DYNC2H1: variants seen among roughly 807,000 people sequenced by gnomAD.
The protein encoded by DYNC2H1 is cytoplasmic dynein 2 heavy chain 1.
A neutral mutation model predicts 570.0 loss-of-function variants in DYNC2H1; 410 were observed. That is an observed-to-expected ratio of 0.72 (90% CI 0.66 to 0.78). DYNC2H1 has a LOEUF of 0.78. Ranked by LOEUF, DYNC2H1 falls within the 30% of genes least tolerant of loss-of-function variation. DYNC2H1 has a pLI of 0.00. For missense variants in DYNC2H1, 4,865 were observed against 5,046.4 expected (o/e 0.96, Z 1.09); for synonymous variants, 1,688 against 1,677.6 (o/e 1.01, Z -0.15).
chr11:103,456,754 C>G (rs1400748596), intron 87 of DYNC2H1, among the ~76,000 whole-genome samples: 1 of 152,164 alleles, frequency 6.6e-6, no homozygotes, highest in Non-Finnish European at 1.5e-5. Context: ...TTTTGATTGC[C>G]AATGTGATAC....
rs574803017 is a variant in DYNC2H1, at chr11:103,323,506, A to G, written c.11935-380A>G. Among the ~76,000 whole-genome samples, 49 of 151,928 alleles carry G rather than the reference A, an allele frequency of 3.2e-4. 1 individual carries two copies. Among genetic ancestry groups the G allele is most frequent in the Admixed American group, 2.2e-3 (34 of 15,268 alleles). The stretch of plus-strand genomic sequence containing the variant: ...TATATATATAACTGCTTAATTTAAC[A>G]TGAGCAGAACTGCACTCTGCAGATT... On this transcript the variant is annotated intron_variant, in intron 81 of 88. Coordinates refer to ENST00000375735, the MANE Select transcript of DYNC2H1 (RefSeq NM_001377.3).
chr11:103,181,856 T>G lies in DYNC2H1; in HGVS notation c.6447T>G (p.Phe2149Leu). 1 of 1,604,830 alleles carries G rather than the reference T, an allele frequency of 6.2e-7. No homozygotes were observed. The highest frequency in any genetic ancestry group is 8.5e-7 in the Non-Finnish European group (1 of 1,174,776). Residue 2149 changes from phenylalanine (F) to leucine (L), a missense_variant, in exon 40 of 89, where the codon TTT (phenylalanine) becomes TTG (leucine). By Grantham distance (22) the Phe-to-Leu change is conservative. Transcript: ENST00000375735. This position sits in a 1 kb window ranked among gnomAD's most constrained non-coding sequence, Gnocchi z 5.0. Reference protein sequence around the residue: ...NNLENWIGDYFEKALQWVLKQ... With the variant: ...NNLENWIGDYLEKALQWVLKQ... ...TTGAAAATTGGATTGGAGATTATTT[T>G]GAAAAGGCTTTACAATGGGTTCTAA...
intron 70 of DYNC2H1, among the ~76,000 whole-genome samples, chr11:103,263,637 G>C (rs1175627719): frequency 1.3e-5 from 2 of 152,062 alleles, no homozygotes; most frequent in East Asian, 3.8e-4. Flanking sequence ...AATTAAGGCA[G>C]AAATAAATAA....
At position 103,277,730 on chromosome 11, in the gene DYNC2H1, C is replaced by T. The variant is rs1280793214; in HGVS notation, c.10696-2618C>T. Among the ~76,000 whole-genome samples the T allele has an allele frequency of 6.6e-6, 1 of 152,154 alleles. No homozygotes were observed. The highest frequency in any genetic ancestry group is 1.5e-5 in the Non-Finnish European group (1 of 68,026). ...CGACTCTTACCAGGTAACCTAGTGA[C>T]ATCATGATTAGTTCTGTTGTTTAGG... is the stretch of plus-strand genomic sequence containing the variant. On this transcript the variant is annotated intron_variant, in intron 70 of 88. Coordinates refer to ENST00000375735, the MANE Select transcript of DYNC2H1 (RefSeq NM_001377.3). The surrounding 1 kb of genome is among the most constrained non-coding windows in gnomAD (Gnocchi z 4.3).
intron 75 of DYNC2H1, among the ~76,000 whole-genome samples, chr11:103,288,406 C>T (rs772316247): frequency 6.6e-6 from 1 of 152,038 alleles, no homozygotes; most frequent in Non-Finnish European, 1.5e-5. Flanking sequence ...TTCTTGGGCA[C>T]AGGCAGAACT....
chr11:103,298,916 G>A (rs1259132961), intron 75 of DYNC2H1, among the ~76,000 whole-genome samples: 1 of 151,964 alleles, frequency 6.6e-6, no homozygotes, highest in Non-Finnish European at 1.5e-5. Context: ...AAGCTTTTAG[G>A]GATGCCTGTT....
intron 5 of DYNC2H1, 49 bp downstream of exon 5, chr11:103,116,763 T>G: frequency 6.5e-7 from 1 of 1,527,962 alleles, no homozygotes; most frequent in Non-Finnish European, 8.8e-7. Flanking sequence ...CTGTCTTATT[T>G]TGTTATCTTT....
intron 65 of DYNC2H1, among the ~76,000 whole-genome samples, chr11:103,250,158 G>A (rs1194454400): frequency 6.6e-6 from 1 of 151,494 alleles, no homozygotes; most frequent in Non-Finnish European, 1.5e-5. Context: ...TATTTTTTTA[G>A]GTGATTGTTT....
At chr11:103,423,295 C>A (rs547605303) in intron 84 of DYNC2H1, among the ~76,000 whole-genome samples, 2 of 150,554 alleles carry the variant, frequency 1.3e-5, no homozygotes, top group African/African-American at 4.9e-5. Flanking sequence ...AGATAGACCC[C>A]GAAATATATA....
intron 59 of DYNC2H1, among the ~76,000 whole-genome samples, chr11:103,224,253 TA>T (rs781089063): frequency 0.022 from 3,274 of 151,934 alleles, 106 homozygotes; most frequent in African/African-American, 0.073. Flanking sequence ...TATGTTCTTT[TA>T]AAAAAAAAAA....
In DYNC2H1 at chr11:103,223,819, C is replaced by T. The variant is rs1387342648; in HGVS notation, c.9353+733C>T. Among the ~76,000 whole-genome samples the T allele has an allele frequency of 2.7e-5, 4 of 150,730 alleles. No homozygotes were observed. The South Asian group carries it at 6.3e-4, about 24-fold the overall frequency. On this transcript the variant is annotated intron_variant, in intron 59 of 88. Coordinates refer to ENST00000375735, the MANE Select transcript of DYNC2H1 (RefSeq NM_001377.3). Reference sequence around the variant, plus strand: ...CTGGAGTGCAGTGGCGCGATCTCAGCTTACTTCAACCTCCGCCTCCCGGGT... The same window carrying T: ...CTGGAGTGCAGTGGCGCGATCTCAGTTTACTTCAACCTCCGCCTCCCGGGT...
chr11:103,288,684 TAAAA>T (rs57040929), intron 75 of DYNC2H1, among the ~76,000 whole-genome samples: 35 of 27,914 alleles, frequency 1.3e-3, no homozygotes, highest in Admixed American at 3.2e-3. Flanking sequence ...CCGTCTCTAC[TAAAA>T]AAAAAAAAAA....
chr11:103,460,455 T>A (rs1206068433), intron 87 of DYNC2H1, among the ~76,000 whole-genome samples: 1 of 133,678 alleles, frequency 7.5e-6, no homozygotes, highest in East Asian at 2.5e-4. Flanking sequence ...CAAGCTTATA[T>A]AATTGTTTTG....
rs1295860207 is a variant in DYNC2H1, at chr11:103,325,596, T to C, written c.12039+1606T>C. ...GTGTCTGTTTCCATAGTTCTCTTTG[T>C]GGAGATCTTTCACCTGTATACTGCT... is the stretch of plus-strand genomic sequence containing the variant. On this transcript the variant is annotated intron_variant, in intron 82 of 88. Transcript: ENST00000375735. This position sits in a 1 kb window ranked among gnomAD's most constrained non-coding sequence, Gnocchi z 4.8. Among the ~76,000 whole-genome samples, 1 of 152,188 alleles carries C rather than the reference T, an allele frequency of 6.6e-6. No individual in the cohort carries two copies. Among genetic ancestry groups the C allele is most frequent in the African/African-American group, 2.4e-5 (1 of 41,444 alleles).
chr11:103,184,912 A>G lies in DYNC2H1; in HGVS notation c.6494A>G (p.Glu2165Gly). ...AATCAACAGAATGACTATGTGGTAGAAACAAGTTTGGTTGGGACTGTGATG... is the reference window on the plus strand; with the variant it reads ...AATCAACAGAATGACTATGTGGTAGGAACAAGTTTGGTTGGGACTGTGATG... ...WVLKQNDYVV[E>G]TSLVGTVMNG... is the part of the protein sequence containing the mutation. Residue 2165 changes from glutamate (E) to glycine (G), a missense_variant, in exon 41 of 89, where the codon GAA (glutamate) becomes GGA (glycine). By Grantham distance (98) the Glu-to-Gly change is moderately conservative. Coordinates refer to ENST00000375735, the MANE Select transcript of DYNC2H1 (RefSeq NM_001377.3). 1 of 1,610,614 alleles carries G rather than the reference A, an allele frequency of 6.2e-7. No homozygotes were observed. The highest frequency in any genetic ancestry group is 8.5e-7 in the Non-Finnish European group (1 of 1,177,610).
At chr11:103,194,862 C>T (rs749962986) in intron 47 of DYNC2H1, among the ~76,000 whole-genome samples, 6 of 152,186 alleles carry the variant, frequency 3.9e-5, no homozygotes, top group East Asian at 1.9e-4. Flanking sequence ...GGATTACAGG[C>T]GTGCACCACC....
At chr11:103,459,490 A>T (rs1944927190) in intron 87 of DYNC2H1, among the ~76,000 whole-genome samples, 1 of 152,116 alleles carries the variant, frequency 6.6e-6, no homozygotes, top group Non-Finnish European at 1.5e-5. Flanking sequence ...CATAATAAGC[A>T]TTCGATCAAA....
At chr11:103,430,783 T>A (rs1321951338) in intron 84 of DYNC2H1, among the ~76,000 whole-genome samples, 1 of 152,120 alleles carries the variant, frequency 6.6e-6, no homozygotes. Flanking sequence ...ATTTACCTTC[T>A]GAGACTCATT....
At chr11:103,341,466 A>C (rs905195082) in intron 82 of DYNC2H1, among the ~76,000 whole-genome samples, 1 of 152,198 alleles carries the variant, frequency 6.6e-6, no homozygotes, top group South Asian at 2.1e-4. Context: ...GTGGTTGGCC[A>C]CTTAGTATTA....
Sources: gnomAD v4.1 joint callset for allele counts (sites outside exome capture counted in the v4.1 genomes callset) on GRCh38, gnomAD v4.1.1 for gene constraint, Gnocchi (gnomAD v3.1) non-coding constraint, MANE v1.5 for transcripts, NCBI Gene and HGNC (gene_info 2026-07-23, HGNC 2026-07-21) for gene names.